FGF14: variants seen among roughly 807,000 people sequenced by gnomAD.
The protein encoded by FGF14 is fibroblast growth factor homologous factor 4.
A neutral mutation model predicts 25.5 loss-of-function variants in FGF14; 5 were observed. The ratio of observed to expected loss-of-function variants is 0.20; its 90% CI spans 0.10 to 0.41. FGF14 has a LOEUF of 0.41. FGF14 is among the 10% of genes least tolerant of loss of function. The pLI is 1.00. For synonymous variants in FGF14, 138 were observed against 118.3 expected (o/e 1.17, Z -1.08); for missense variants, 222 against 320.1 (o/e 0.69, Z 2.34).
chr13:102,290,426 G>A (rs766254342), intron 1 of FGF14, among the ~76,000 whole-genome samples: 1 of 152,166 alleles, frequency 6.6e-6, no homozygotes, highest in Non-Finnish European at 1.5e-5. Flanking sequence ...CTTAGGGTAT[G>A]TTTTATAGCA....
chr13:102,067,820 C>G (rs1433045215), intron 1 of FGF14, among the ~76,000 whole-genome samples: 1 of 151,772 alleles, frequency 6.6e-6, no homozygotes, highest in East Asian at 1.9e-4. Context: ...TATAGAATAC[C>G]AAACAGATTT....
chr13:101,893,303 A>G (rs1458657921), intron 1 of FGF14, among the ~76,000 whole-genome samples: 1 of 152,186 alleles, frequency 6.6e-6, no homozygotes, highest in Non-Finnish European at 1.5e-5. Context: ...AGCTGCATGA[A>G]GTCAGCCTGG....
At position 101,866,391 on chromosome 13, in the gene FGF14, C is replaced by A. The variant is rs1478669073; in HGVS notation, c.408+2334G>T. ...CTAATGAGTCATACTAACTATGCTC[C>A]AATCTTATCTTTTCTATCTACCACC... On this transcript the variant is annotated intron_variant, in intron 3 of 4. Transcript: ENST00000376143. Among the ~76,000 whole-genome samples, 3 of 152,122 alleles carry A rather than the reference C, an allele frequency of 2.0e-5. No individual in the cohort carries two copies. The East Asian group carries it at 5.8e-4, about 29-fold the overall frequency.
chr13:101,731,709 G>T (rs1403743424), intron 3 of FGF14, among the ~76,000 whole-genome samples: 1 of 152,116 alleles, frequency 6.6e-6, no homozygotes, highest in African/African-American at 2.4e-5. Flanking sequence ...AGATAATCTG[G>T]CAAAACCATA....
chr13:101,743,708 T>C (rs1380030742), intron 3 of FGF14, among the ~76,000 whole-genome samples: 1 of 152,180 alleles, frequency 6.6e-6, no homozygotes, highest in African/African-American at 2.4e-5. Flanking sequence ...AGTTTGATGT[T>C]CTTTTGAAAG....
intron 1 of FGF14, among the ~76,000 whole-genome samples, chr13:101,923,806 A>G (rs1377857036): frequency 6.6e-6 from 1 of 152,100 alleles, no homozygotes; most frequent in African/African-American, 2.4e-5. Context: ...GTTTTGATTC[A>G]ATAAAGGAAA....
chr13:102,042,888 G>A (rs922618263), intron 1 of FGF14, among the ~76,000 whole-genome samples: 6 of 152,290 alleles, frequency 3.9e-5, no homozygotes, highest in African/African-American at 7.2e-5. Context: ...AGGGCTTTGC[G>A]TATTGTAGAA....
At chr13:102,153,170 G>A (rs2047164457) in intron 1 of FGF14, among the ~76,000 whole-genome samples, 3 of 152,182 alleles carry the variant, frequency 2.0e-5, no homozygotes, top group African/African-American at 4.8e-5. Flanking sequence ...TTTCAAGGGA[G>A]GCTGGAGGAG....
chr13:102,078,615 T>C (rs1308810356), intron 1 of FGF14, among the ~76,000 whole-genome samples: 1 of 152,094 alleles, frequency 6.6e-6, no homozygotes. Flanking sequence ...CCAACTGCAC[T>C]ATGGAAGATG....
At chr13:101,888,532 T>G (rs879754044) in intron 1 of FGF14, among the ~76,000 whole-genome samples, 1 of 152,182 alleles carries the variant, frequency 6.6e-6, no homozygotes, top group Non-Finnish European at 1.5e-5. Context: ...TAATTCAATA[T>G]GATTCCTACT....
chr13:102,290,038 A>G (rs1052124419), intron 1 of FGF14, among the ~76,000 whole-genome samples: 1 of 152,168 alleles, frequency 6.6e-6, no homozygotes, highest in Non-Finnish European at 1.5e-5. Context: ...TAAGTTCAGG[A>G]TATTTAGAAA....
At chr13:102,303,400 T>C (rs1212751546) in intron 1 of FGF14, among the ~76,000 whole-genome samples, 1 of 152,232 alleles carries the variant, frequency 6.6e-6, no homozygotes, top group Non-Finnish European at 1.5e-5. Flanking sequence ...ACCATGAGGA[T>C]GGGGATTTGA....
intron 1 of FGF14, among the ~76,000 whole-genome samples, chr13:101,882,435 A>G (rs2045757932): frequency 6.6e-6 from 1 of 152,202 alleles, no homozygotes; most frequent in Non-Finnish European, 1.5e-5. Context: ...TTGCATCAGG[A>G]TATTGCATTA....
upstream of FGF14, among the ~76,000 whole-genome samples, chr13:101,920,996 T>A (rs2033960540): frequency 6.6e-6 from 1 of 152,112 alleles, no homozygotes; most frequent in African/African-American, 2.4e-5. Flanking sequence ...CTTTTGGTCC[T>A]CCAACTTTAA....
At chr13:101,745,981 A>G (rs1182182273) in intron 3 of FGF14, among the ~76,000 whole-genome samples, 1 of 152,104 alleles carries the variant, frequency 6.6e-6, no homozygotes, top group Non-Finnish European at 1.5e-5. Context: ...AAAGAATGTG[A>G]TAGAAAGAAA....
At chr13:102,075,413 A>C (rs1280842165) in intron 1 of FGF14, among the ~76,000 whole-genome samples, 2 of 152,186 alleles carry the variant, frequency 1.3e-5, no homozygotes, top group African/African-American at 4.8e-5. Flanking sequence ...ATAAGATTAT[A>C]ATCAAGCTGA....
At chr13:102,358,936 T>G (rs926289694) in intron 1 of FGF14, among the ~76,000 whole-genome samples, 1 of 152,096 alleles carries the variant, frequency 6.6e-6, no homozygotes. Context: ...CCATCAGTGA[T>G]AAACTGGATA....
chr13:102,280,811 G>A (rs1822494650), intron 1 of FGF14, among the ~76,000 whole-genome samples: 1 of 152,148 alleles, frequency 6.6e-6, no homozygotes, highest in Non-Finnish European at 1.5e-5. Flanking sequence ...GATCTAGAGT[G>A]AACATGAGAA....
At chr13:102,290,289 A>G (rs9518696) in intron 1 of FGF14, among the ~76,000 whole-genome samples, 119,460 of 152,028 alleles carry the variant, frequency 0.79, 47,758 homozygotes, top group African/African-American at 0.94. Context: ...GAAGCAAGGA[A>G]AAGGCACTGT....
Sources: gnomAD v4.1 joint callset for allele counts (sites outside exome capture counted in the v4.1 genomes callset) on GRCh38, gnomAD v4.1.1 for gene constraint, MANE v1.5 for transcripts, NCBI Gene and HGNC (gene_info 2026-07-23, HGNC 2026-07-21) for gene names.